JPH2: variants seen among roughly 807,000 people sequenced by gnomAD.
JPH2 encodes the protein junctophilin 2.
JPH2 carries 38 observed loss-of-function variants against 55.9 expected under a neutral mutation model. That is an observed-to-expected ratio of 0.68 (90% CI 0.52 to 0.89). JPH2 has a LOEUF of 0.89. Ranked by LOEUF, JPH2 falls within the 40% of genes least tolerant of loss-of-function variation. The pLI is 0.00. For missense variants in JPH2, 964 were observed against 1,037.6 expected (o/e 0.93, Z 0.97); for synonymous variants, 480 against 472.4 (o/e 1.02, Z -0.21).
At chr20:44,177,992 A>G (rs1235540399) in intron 1 of JPH2, 1 of 977,282 alleles carries the variant, frequency 1.0e-6, no homozygotes, top group Non-Finnish European at 1.7e-6. Context: ...AAAAGGAAAC[A>G]GAAGCTCAGG....
chr20:44,179,059 G>T (rs2072759013), intron 1 of JPH2, among the ~76,000 whole-genome samples: 1 of 152,140 alleles, frequency 6.6e-6, no homozygotes, highest in Admixed American at 6.5e-5. Flanking sequence ...TTGGGTTTTT[G>T]ACCCAATCGT....
rs1221655818 is a variant in JPH2, at chr20:44,160,600, GC to G, written c.380-194del. Among the ~76,000 whole-genome samples the G allele has an allele frequency of 6.6e-6, 1 of 152,244 alleles. No homozygotes were observed. The highest frequency in any genetic ancestry group is 2.4e-5 in the African/African-American group (1 of 41,468). On this transcript the variant is annotated intron_variant, in intron 1 of 5. Transcript: ENST00000372980. This position sits in a 1 kb window ranked among gnomAD's most constrained non-coding sequence, Gnocchi z 4.9. ...AGTGTGCAATAACACGAGTGGGTGA[GC>G]CAGGAGGAGCTTGCACGATGGTAGG...
chr20:44,118,339 C>T (rs1192396597), intron 3 of JPH2, among the ~76,000 whole-genome samples, 166 bp downstream of exon 3: 1 of 152,198 alleles, frequency 6.6e-6, no homozygotes, highest in Non-Finnish European at 1.5e-5. Context: ...ATGTGTCTCC[C>T]CACCTACCCC....
chr20:44,155,422 G>A (rs1235267268), intron 2 of JPH2, among the ~76,000 whole-genome samples: 1 of 152,182 alleles, frequency 6.6e-6, no homozygotes, highest in African/African-American at 2.4e-5. Context: ...GATATATTTA[G>A]TGTAATTATT....
intron 1 of JPH2, among the ~76,000 whole-genome samples, chr20:44,182,134 G>A (rs2145900628): frequency 6.6e-6 from 1 of 152,258 alleles, no homozygotes; most frequent in East Asian, 1.9e-4. Flanking sequence ...TAATGTGGCA[G>A]GGCCAGGAGA....
At chr20:44,124,878 C>T (rs797019989) in intron 2 of JPH2, among the ~76,000 whole-genome samples, 24 of 151,746 alleles carry the variant, frequency 1.6e-4, no homozygotes, top group African/African-American at 5.3e-4. Context: ...GATGCTGAGG[C>T]GGGTGGATCA....
intron 1 of JPH2, among the ~76,000 whole-genome samples, chr20:44,174,190 T>C (rs951441573): frequency 2.0e-5 from 3 of 152,140 alleles, no homozygotes; most frequent in Non-Finnish European, 4.4e-5. Flanking sequence ...GAAGGAAGCT[T>C]AGGCTCAGAG....
intron 2 of JPH2, among the ~76,000 whole-genome samples, chr20:44,120,086 C>T (rs1401517428): frequency 6.6e-6 from 1 of 152,000 alleles, no homozygotes; most frequent in Non-Finnish European, 1.5e-5. Context: ...CCTACGCCAT[C>T]CTGCCTCTCA....
chr20:44,168,495 G>T (rs2072673169), intron 1 of JPH2, among the ~76,000 whole-genome samples: 1 of 152,130 alleles, frequency 6.6e-6, no homozygotes, highest in Admixed American at 6.5e-5. Flanking sequence ...AGAAAGTTCT[G>T]GTTTAAGTCA....
rs923564614 is a variant in JPH2 at position 44,108,010 on chromosome 20, T to C, written c.*5508A>G. On this transcript the variant is annotated 3_prime_UTR_variant, in exon 6 of 6. Coordinates refer to ENST00000372980, the MANE Select transcript of JPH2 (RefSeq NM_020433.5). The stretch of plus-strand genomic sequence containing the variant: ...AAAAATCAACCACAGGGTTAAAAGA[T>C]TGGGGCTTTGGGCTATGTGATGTCA... Among the ~76,000 whole-genome samples, 2 of 152,138 alleles carry C rather than the reference T, an allele frequency of 1.3e-5. No homozygotes were observed. The highest frequency in any genetic ancestry group is 2.9e-5 in the Non-Finnish European group (2 of 68,012).
At position 44,186,401 on chromosome 20, in the gene JPH2, C is replaced by T; in HGVS notation, c.305G>A (p.Ser102Asn). 6.2e-7 allele frequency: 1 copy of T among 1,613,882 alleles called. No individual in the cohort carries two copies. The highest frequency in any genetic ancestry group is 8.5e-7 in the Non-Finnish European group (1 of 1,179,968). The change falls in exon 1 of 6, where the codon AGC becomes AAC. Residue 102 changes from serine (S) to asparagine (N), a missense_variant. Coordinates refer to ENST00000372980, the MANE Select transcript of JPH2 (RefSeq NM_020433.5). ...CCAGGTGCCCTCATACTTGGCACCG[C>T]TGCTTGAGCTCTGCCGGATTCCGTA... is the stretch of plus-strand genomic sequence containing the variant. ...GRYGIRQSSSSGAKYEGTWNN... is the reference protein window; with the variant it reads ...GRYGIRQSSSNGAKYEGTWNN...
In JPH2 at chr20:44,116,273, C is replaced by T. The variant is rs952605949; in HGVS notation, c.1402G>A (p.Glu468Lys). 1.3e-6 allele frequency: 2 copies of T among 1,529,312 alleles called. No homozygotes were observed. Among genetic ancestry groups the T allele is most frequent in the East Asian group, 2.5e-5 (1 of 39,998 alleles). The allele number at this position is 1,529,312 out of a possible 1,614,324, so 94.7% of individuals were successfully genotyped here. Reference sequence around the variant, plus strand: ...TCACGCTCGTGCAGCTGCGGGCTCTCGCGGGGCGGCTGTGGGAGGCCCGCT... The same window carrying T: ...TCACGCTCGTGCAGCTGCGGGCTCTTGCGGGGCGGCTGTGGGAGGCCCGCT... ...GAAGLPQPPR[E>K]SPQLHERETP... The change falls in exon 4 of 6, where the codon GAG becomes AAG. Residue 468 changes from glutamate to lysine, a missense_variant. Coordinates refer to ENST00000372980, the MANE Select transcript of JPH2 (RefSeq NM_020433.5).
In JPH2 at chr20:44,185,169, G is replaced by A. The variant is rs181993699; in HGVS notation, c.379+1158C>T. 3.6e-3 allele frequency among the ~76,000 whole-genome samples: 542 copies of A among 152,188 alleles called. 3 individuals are homozygous for A. Among genetic ancestry groups the A allele is most frequent in the Non-Finnish European group, 6.1e-3 (414 of 68,012 alleles). On this transcript the variant is annotated intron_variant, in intron 1 of 5. Transcript: ENST00000372980. ...AAAAAACAATTAATTAGCTAGGCTT[G>A]GTGGCATGTGCCTTGTAGTTCCAGC... is the stretch of plus-strand genomic sequence containing the variant.
intron 2 of JPH2, among the ~76,000 whole-genome samples, chr20:44,151,727 G>T (rs527294660): frequency 2.0e-5 from 3 of 152,238 alleles, no homozygotes; most frequent in African/African-American, 7.2e-5. Context: ...TGTAACGTCA[G>T]ACTCTCACTC....
intron 1 of JPH2, among the ~76,000 whole-genome samples, chr20:44,167,611 C>T (rs1035777364): frequency 6.6e-6 from 1 of 152,104 alleles, no homozygotes; most frequent in African/African-American, 2.4e-5. Flanking sequence ...CGATAGGACT[C>T]CCGAAATTAA....
rs1203989604 is a variant in JPH2 at position 44,186,716 on chromosome 20, C to T, written c.-11G>A. The stretch of plus-strand genomic sequence containing the variant: ...GCGGCCCCCACTCATCTCATCATAG[C>T]CCCTGACAACCTCCCCGTCCTCCAG... On this transcript the variant is annotated 5_prime_UTR_variant, in exon 1 of 6. Transcript: ENST00000372980. 1.9e-6 allele frequency: 3 copies of T among 1,597,430 alleles called. No homozygotes were observed. The highest frequency in any genetic ancestry group is 2.5e-6 in the Non-Finnish European group (3 of 1,179,136).
chr20:44,167,082 C>T (rs577886004), intron 1 of JPH2, among the ~76,000 whole-genome samples: 1 of 152,252 alleles, frequency 6.6e-6, no homozygotes, highest in Non-Finnish European at 1.5e-5. Flanking sequence ...CTTCTATTGA[C>T]AGTTCTAGCT....
In JPH2 at chr20:44,126,143, G is replaced by GA. The variant is rs1569186855; in HGVS notation, c.1170-7521_1170-7520insT. On this transcript the variant is annotated intron_variant, in intron 2 of 5. Transcript: ENST00000372980. Reference sequence around the variant, plus strand: ...CCTATATCAGAAGAAAAAGAGAGAGGGAGGGAGGGAGGGAGGGAGGGAGGG... The same window carrying GA: ...CCTATATCAGAAGAAAAAGAGAGAGGAGAGGGAGGGAGGGAGGGAGGGAGGG... Among the ~76,000 whole-genome samples, 125 of 26,222 alleles carry GA rather than the reference G, an allele frequency of 4.8e-3. 9 individuals carry two copies. The highest frequency in any genetic ancestry group is 0.042 in the Middle Eastern group (3 of 72). The allele number at this position is 26,222 out of a possible 152,430, so 17.2% of individuals were successfully genotyped here.
At chr20:44,116,524 G>A (rs1218945310) in intron 3 of JPH2, 138 bp from the exon 4 acceptor site, 8 of 955,690 alleles carry the variant, frequency 8.4e-6, no homozygotes, top group African/African-American at 3.3e-5. Context: ...GCCAGGCACT[G>A]TTCCAAGCAC....
Sources: gnomAD v4.1 joint callset for allele counts (sites outside exome capture counted in the v4.1 genomes callset) on GRCh38, gnomAD v4.1.1 for gene constraint, Gnocchi (gnomAD v3.1) non-coding constraint, MANE v1.5 for transcripts, NCBI Gene and HGNC (gene_info 2026-07-23, HGNC 2026-07-21) for gene names.